The following FRMPD3 variants were observed in gnomAD, a reference collection of about 807,000 sequenced individuals.
FRMPD3 encodes FERM and PDZ domain-containing protein 3.
A neutral mutation model predicts 97.9 loss-of-function variants in FRMPD3; 42 were observed. The ratio of observed to expected loss-of-function variants is 0.43; its 90% CI spans 0.34 to 0.55. The LOEUF is 0.55. Ranked by LOEUF, FRMPD3 falls within the 20% of genes least tolerant of loss-of-function variation. FRMPD3 has a pLI of 0.03. For synonymous variants in FRMPD3, 577 were observed against 581.1 expected (o/e 0.99, Z 0.10); for missense variants, 1,303 against 1,457.7 (o/e 0.89, Z 1.73).
intron 3 of FRMPD3, among the ~76,000 whole-genome samples, chrX:107,531,111 T>TACACAC (rs35430860): frequency 2.2e-3 from 202 of 93,611 alleles, no homozygotes; most frequent in African/African-American, 6.9e-3. Flanking sequence ...CTGTGCACAT[T>TACACAC]ACACACACAC....
rs1471099573 is a variant in FRMPD3, at chrX:107,451,067, G to A, written c.-8+1062G>A. On this transcript the variant is annotated intron_variant, in intron 1 of 14. Coordinates refer to ENST00000683843, the MANE Select transcript of FRMPD3 (RefSeq NM_001388459.1). Reference sequence around the variant, plus strand: ...GAAACCACTGCAGGGGCAAATGTTTGACACCTTCCCCCAGAAGCAGGTGGC... The same window carrying A: ...GAAACCACTGCAGGGGCAAATGTTTAACACCTTCCCCCAGAAGCAGGTGGC... Among the ~76,000 whole-genome samples, 3 of 111,740 alleles carry A rather than the reference G, an allele frequency of 2.7e-5. No individual in the cohort carries two copies. In the East Asian group the frequency reaches 8.4e-4, roughly 31 times the overall value.
intron 1 of FRMPD3, among the ~76,000 whole-genome samples, chrX:107,519,501 C>T (rs1001775773): frequency 6.3e-5 from 7 of 111,019 alleles, no homozygotes; most frequent in African/African-American, 2.3e-4. Flanking sequence ...CTCAATCAAT[C>T]GAATCAATCA....
At chrX:107,487,553 A>G (rs761366861) in intron 1 of FRMPD3, among the ~76,000 whole-genome samples, 21 of 111,391 alleles carry the variant, frequency 1.9e-4, no homozygotes, top group Non-Finnish European at 3.4e-4. Flanking sequence ...CTGCATTCCC[A>G]GGGAGGGCTT....
At chrX:107,554,545 A>G (rs753228460) in intron 8 of FRMPD3, 41 bp downstream of exon 8, 1 of 1,184,847 alleles carries the variant, frequency 8.4e-7, no homozygotes. Flanking sequence ...ACCAGTGGAC[A>G]AAGAAGCAGG....
At chrX:107,515,969 C>T (rs1013214666) in intron 1 of FRMPD3, among the ~76,000 whole-genome samples, 3 of 109,453 alleles carry the variant, frequency 2.7e-5, no homozygotes, top group Admixed American at 9.6e-5. Context: ...TGGTGTGCTG[C>T]ACCCATTAAC....
chrX:107,455,469 C>T (rs979678098), intron 1 of FRMPD3, among the ~76,000 whole-genome samples: 8 of 111,525 alleles, frequency 7.2e-5, no homozygotes, highest in East Asian at 5.6e-4. Flanking sequence ...GAGGCTGAGG[C>T]GGGAGGATGG....
chrX:107,526,544 G>A, intron 1 of FRMPD3, 38 bp from the exon 2 acceptor site: 1 of 1,157,683 alleles, frequency 8.6e-7, no homozygotes, highest in Non-Finnish European at 1.2e-6. Context: ...TTAGTTCCCT[G>A]TGCATCTTGT....
At chrX:107,571,462 G>T (rs1795060363) in intron 12 of FRMPD3, among the ~76,000 whole-genome samples, 1 of 112,308 alleles carries the variant, frequency 8.9e-6, no homozygotes, top group Admixed American at 9.4e-5. Context: ...CTGGGGCCAA[G>T]TTGGCTGTCT....
chrX:107,518,875 A>G (rs189945746), intron 1 of FRMPD3, among the ~76,000 whole-genome samples: 58 of 112,658 alleles, frequency 5.1e-4, no homozygotes, highest in African/African-American at 1.8e-3. Flanking sequence ...CATACATACA[A>G]TGGACTATTA....
intron 14 of FRMPD3, among the ~76,000 whole-genome samples, chrX:107,598,783 T>C (rs1032090785): frequency 8.9e-6 from 1 of 112,614 alleles, no homozygotes; most frequent in Admixed American, 9.4e-5. Flanking sequence ...ATGCAAAGCA[T>C]GTAAGCACTG....
At chrX:107,565,537 T>C in intron 12 of FRMPD3, among the ~76,000 whole-genome samples, 1 of 106,168 alleles carries the variant, frequency 9.4e-6, no homozygotes, top group East Asian at 3.0e-4. Flanking sequence ...CTACAAAAAA[T>C]TACAAAACTT....
intron 4 of FRMPD3, among the ~76,000 whole-genome samples, chrX:107,538,286 CA>C (rs1170709504): frequency 9.0e-6 from 1 of 110,949 alleles, no homozygotes; most frequent in Non-Finnish European, 1.9e-5. Context: ...ACCACCTTAA[CA>C]AGTCTCCATT....
chrX:107,468,218 C>A (rs763571732), intron 1 of FRMPD3, among the ~76,000 whole-genome samples: 3 of 112,281 alleles, frequency 2.7e-5, no homozygotes, highest in Non-Finnish European at 5.6e-5. Context: ...GAAGTATGGT[C>A]TCAGGATTTA....
intron 13 of FRMPD3, among the ~76,000 whole-genome samples, chrX:107,581,076 C>T (rs1923359182): frequency 9.0e-6 from 1 of 111,481 alleles, no homozygotes; most frequent in Non-Finnish European, 1.9e-5. Flanking sequence ...CCTAAAGTCC[C>T]TTCACAATAC....
intron 1 of FRMPD3, chrX:107,522,599 C>G: frequency 2.3e-6 from 1 of 428,231 alleles, no homozygotes; most frequent in South Asian, 3.9e-5. Flanking sequence ...CATCTCCTAC[C>G]TAGAAGGCTG....
At chrX:107,560,226 G>T in intron 8 of FRMPD3, 31 bp from the exon 9 acceptor site, 1 of 1,205,348 alleles carries the variant, frequency 8.3e-7, no homozygotes, top group Non-Finnish European at 1.1e-6. Flanking sequence ...GTCTCCTTCA[G>T]CTGATAGGTT....
rs778005749 is a variant in FRMPD3 at position 107,554,397 on chromosome X, A to G, written c.655A>G (p.Thr219Ala). ...KQPLAYVVQR[T>A]HYHGMKCLFR... ...CCCTGGAATTCAGGTGGTACAGCGG[A>G]CACACTATCATGGAATGAAATGCCT... Residue 219 changes from threonine to alanine, a missense_variant, in exon 8 of 15, where the codon ACA becomes GCA. Physicochemically the swap from Thr to Ala is moderately conservative, Grantham distance 58. Around this residue, in one of 3 missense-constraint regions of FRMPD3, gnomAD observed 535 missense variants for 618.6 expected, o/e 0.86. Coordinates refer to ENST00000683843, the MANE Select transcript of FRMPD3 (RefSeq NM_001388459.1). 10 of 1,209,070 alleles carry G rather than the reference A, an allele frequency of 8.3e-6. No homozygotes were observed. Among genetic ancestry groups the G allele is most frequent in the South Asian group, 1.8e-5 (1 of 56,674 alleles).
At position 107,576,416 on chromosome X, in the gene FRMPD3, C is replaced by T. The variant is rs959475599; in HGVS notation, c.1398C>T (p.Ser466=). Residue 466 remains serine (S), a synonymous_variant, in exon 13 of 15, where the codon TCC becomes TCT. Transcript: ENST00000683843. ...TGGATTCCAGGAAGATGGTCTTCTC[C>T]AGGCCTGCCAGCCAGCCACTTCCAC... ...LLLDSRKMVF[S]RPASQPLPPP... 2.5e-6 allele frequency: 3 copies of T among 1,209,197 alleles called. No individual in the cohort carries two copies. Among genetic ancestry groups the T allele is most frequent in the East Asian group, 5.9e-5 (2 of 33,762 alleles).
intron 12 of FRMPD3, among the ~76,000 whole-genome samples, chrX:107,573,590 G>T (rs1922994543): frequency 9.0e-6 from 1 of 111,405 alleles, no homozygotes; most frequent in Non-Finnish European, 1.9e-5. Context: ...CCTGTCTCTG[G>T]CCCCTTTCTC....
Sources: allele counts gnomAD v4.1 joint callset (sites outside exome capture counted in the v4.1 genomes callset), GRCh38; gene constraint gnomAD v4.1.1; regional missense constraint gnomAD v4.1.1; transcripts MANE v1.5; gene names NCBI Gene and HGNC (gene_info 2026-07-23, HGNC 2026-07-21).